NR2F1-AS1: variants seen among roughly 807,000 people sequenced by gnomAD.
NR2F1-AS1 encodes NR2F1 antisense RNA 1.
At chr5:93,457,367 A>G (rs1345778231) in intron 4 of NR2F1-AS1, among the ~76,000 whole-genome samples, 1 of 152,190 alleles carries the variant, frequency 6.6e-6, no homozygotes, top group Non-Finnish European at 1.5e-5. Context: ...CATTTGTTTA[A>G]CAAAGCACAT....
chr5:93,456,924 G>A (rs989490651), intron 4 of NR2F1-AS1, among the ~76,000 whole-genome samples: 1 of 152,132 alleles, frequency 6.6e-6, no homozygotes, highest in East Asian at 1.9e-4. Flanking sequence ...CTTTTAATGT[G>A]CACATACATA....
chr5:93,421,521 T>C (rs1749087779), intron 4 of NR2F1-AS1, among the ~76,000 whole-genome samples: 1 of 152,218 alleles, frequency 6.6e-6, no homozygotes, highest in Non-Finnish European at 1.5e-5. Flanking sequence ...GTTTTTGACG[T>C]CATCCAGGCT....
intron 4 of NR2F1-AS1, among the ~76,000 whole-genome samples, chr5:93,477,875 A>G (rs1032025497): frequency 6.6e-6 from 1 of 152,216 alleles, no homozygotes; most frequent in South Asian, 2.1e-4. Flanking sequence ...TCTACTTTCA[A>G]TAAAGTGCCT....
At chr5:93,529,877 T>C (rs1751697955) in intron 4 of NR2F1-AS1, among the ~76,000 whole-genome samples, 1 of 152,114 alleles carries the variant, frequency 6.6e-6, no homozygotes, top group Non-Finnish European at 1.5e-5. Flanking sequence ...CAAAGTTTTT[T>C]CACATTAATT....
At chr5:93,417,542 T>C (rs1398690659) in intron 4 of NR2F1-AS1, among the ~76,000 whole-genome samples, 2 of 152,238 alleles carry the variant, frequency 1.3e-5, no homozygotes, top group Non-Finnish European at 2.9e-5. Flanking sequence ...CCTAATCAGA[T>C]GCTCATATTA....
chr5:93,447,309 CAAA>C (rs747996775), intron 4 of NR2F1-AS1, among the ~76,000 whole-genome samples: 9 of 152,092 alleles, frequency 5.9e-5, no homozygotes, highest in Non-Finnish European at 1.2e-4. Context: ...ACCCGTCTGA[CAAA>C]GGGCTAATAT....
At chr5:93,463,237 G>C (rs993667904) in intron 4 of NR2F1-AS1, among the ~76,000 whole-genome samples, 1 of 152,210 alleles carries the variant, frequency 6.6e-6, no homozygotes, top group Non-Finnish European at 1.5e-5. Context: ...AAGGGACCAA[G>C]GTATAGCTCA....
intron 4 of NR2F1-AS1, among the ~76,000 whole-genome samples, chr5:93,513,510 G>A (rs1751343227): frequency 1.3e-5 from 2 of 152,100 alleles, no homozygotes. Flanking sequence ...CAAATCCTTT[G>A]TAACAACATG....
chr5:93,514,374 CAA>C (rs1388806761), intron 4 of NR2F1-AS1, among the ~76,000 whole-genome samples: 1 of 152,016 alleles, frequency 6.6e-6, no homozygotes, highest in Non-Finnish European at 1.5e-5. Context: ...GCATACAGCT[CAA>C]AGACATACAT....
intron 4 of NR2F1-AS1, among the ~76,000 whole-genome samples, chr5:93,488,482 CAT>C (rs774910340): frequency 3.3e-5 from 5 of 152,220 alleles, no homozygotes; most frequent in East Asian, 1.9e-4. Context: ...AGCCAACAAA[CAT>C]GTGAAGAAAA....
chr5:93,540,541 C>T (rs919881617), intron 4 of NR2F1-AS1, among the ~76,000 whole-genome samples: 1 of 152,152 alleles, frequency 6.6e-6, no homozygotes, highest in Non-Finnish European at 1.5e-5. Flanking sequence ...GACATTCCAG[C>T]ACTAAAAATT....
At chr5:93,495,898 A>T (rs937865838) in intron 4 of NR2F1-AS1, among the ~76,000 whole-genome samples, 27 of 152,106 alleles carry the variant, frequency 1.8e-4, no homozygotes, top group Non-Finnish European at 4.0e-4. Context: ...AAAAGCAGGA[A>T]AAAAATGTTT....
At chr5:93,431,616 T>C (rs1055820758) in intron 4 of NR2F1-AS1, among the ~76,000 whole-genome samples, 1 of 152,214 alleles carries the variant, frequency 6.6e-6, no homozygotes, top group African/African-American at 2.4e-5. Flanking sequence ...TATTTTCAAG[T>C]GTTTTTCAAG....
At chr5:93,522,526 T>G (rs139174639) in intron 4 of NR2F1-AS1, among the ~76,000 whole-genome samples, 1 of 152,168 alleles carries the variant, frequency 6.6e-6, no homozygotes, top group East Asian at 1.9e-4. Flanking sequence ...AGTACAAACA[T>G]AGAATGTGAA....
chr5:93,466,578 C>T (rs1301611012), intron 4 of NR2F1-AS1, among the ~76,000 whole-genome samples: 8 of 151,862 alleles, frequency 5.3e-5, no homozygotes, highest in African/African-American at 1.9e-4. Context: ...CCTGAAGTGA[C>T]CCGCCCACCT....
chr5:93,562,174 C>A (rs1400254114), intron 2 of NR2F1-AS1, among the ~76,000 whole-genome samples: 1 of 107,838 alleles, frequency 9.3e-6, no homozygotes, highest in African/African-American at 4.2e-5. Flanking sequence ...ATAATGAAAC[C>A]CATCTCTACA....
At chr5:93,471,940 G>A (rs894007732) in intron 4 of NR2F1-AS1, among the ~76,000 whole-genome samples, 3 of 151,682 alleles carry the variant, frequency 2.0e-5, no homozygotes, top group South Asian at 2.1e-4. Context: ...CAACAAAACC[G>A]CTTGAAAAAG....
intron 4 of NR2F1-AS1, among the ~76,000 whole-genome samples, chr5:93,498,601 G>A (rs1319812171): frequency 2.0e-5 from 3 of 151,938 alleles, no homozygotes; most frequent in Non-Finnish European, 2.9e-5. Context: ...AAATCTAGTT[G>A]AAATTTATAA....
intron 4 of NR2F1-AS1, among the ~76,000 whole-genome samples, chr5:93,508,811 T>C (rs1751238665): frequency 6.6e-6 from 1 of 152,094 alleles, no homozygotes; most frequent in Non-Finnish European, 1.5e-5. Flanking sequence ...TCCTCACTAT[T>C]AGGGAAATGC....
Sources: allele counts gnomAD v4.1 joint callset (sites outside exome capture counted in the v4.1 genomes callset), GRCh38; gene constraint gnomAD v4.1.1; transcripts MANE v1.5; gene names NCBI Gene and HGNC (gene_info 2026-07-23, HGNC 2026-07-21).